Variants in AKAP6 observed in about 807,000 individuals in gnomAD.
AKAP6 encodes the protein A-kinase anchoring protein 6.
A neutral mutation model predicts 188.5 loss-of-function variants in AKAP6; 58 were observed. The observed-to-expected ratio is 0.31, with a 90% CI of 0.25 to 0.38. AKAP6 has a LOEUF of 0.38. AKAP6 is among the 10% of genes least tolerant of loss of function. AKAP6 has a pLI of 1.00. For missense variants in AKAP6, 2,710 were observed against 2,740.0 expected, an observed-to-expected ratio of 0.99 and a Z score of 0.24; for synonymous variants, 989 against 998.6, an observed-to-expected ratio of 0.99 and a Z score of 0.18.
chr14:32,824,851 A>G, intron 13 of AKAP6, 36 bp downstream of exon 13: 1 of 1,499,402 alleles, frequency 6.7e-7, no homozygotes. Flanking sequence ...TGTATTTAAA[A>G]TATTGAGTTC....
intron 2 of AKAP6, among the ~76,000 whole-genome samples, chr14:32,514,937 C>T (rs367594519): frequency 6.4e-4 from 97 of 152,268 alleles, no homozygotes; most frequent in African/African-American, 2.3e-3. Context: ...GAACCATAGA[C>T]CTTTCCTCCT....
At chr14:32,507,514 A>G (rs1204645083) in intron 2 of AKAP6, among the ~76,000 whole-genome samples, 1 of 151,520 alleles carries the variant, frequency 6.6e-6, no homozygotes, top group African/African-American at 2.4e-5. Context: ...ATCAGAATGT[A>G]TTTGGCTGAT....
rs1882031293 is a variant in AKAP6 at position 32,524,681 on chromosome 14, CT to C, written c.325-10872del. Among the ~76,000 whole-genome samples the C allele has an allele frequency of 2.0e-5, 3 of 152,262 alleles. No individual in the cohort carries two copies. In the South Asian group the frequency reaches 6.2e-4, roughly 32 times the overall value. ...TTCTGGCGCACAAAGAATGTAAATT[CT>C]ACTGTAGATATATTTGTGTAATATC... is the stretch of plus-strand genomic sequence containing the variant. On this transcript the variant is annotated intron_variant, in intron 2 of 13. Coordinates refer to ENST00000280979, the MANE Select transcript of AKAP6 (RefSeq NM_004274.5).
At chr14:32,721,008 C>T (rs1387890944) in intron 9 of AKAP6, among the ~76,000 whole-genome samples, 1 of 152,194 alleles carries the variant, frequency 6.6e-6, no homozygotes, top group Non-Finnish European at 1.5e-5. Context: ...AGTTTCATTA[C>T]ATTAATTGCT....
chr14:32,674,686 A>T (rs1010857729), intron 7 of AKAP6, among the ~76,000 whole-genome samples: 2 of 152,194 alleles, frequency 1.3e-5, no homozygotes, highest in African/African-American at 4.8e-5. Flanking sequence ...TTCTGTTTTA[A>T]ATAGTAAGGT....
chr14:32,797,533 G>A (rs2033807939), intron 12 of AKAP6, among the ~76,000 whole-genome samples: 1 of 152,158 alleles, frequency 6.6e-6, no homozygotes, highest in African/African-American at 2.4e-5. Flanking sequence ...AACATTGCAT[G>A]TTCTTACTTA....
chr14:32,759,431 A>T lies in AKAP6; in HGVS notation c.3373-14247A>T, dbSNP rs566926997. 3.3e-5 allele frequency among the ~76,000 whole-genome samples: 5 copies of T among 152,112 alleles called. No homozygotes were observed. The South Asian group carries it at 1.0e-3, about 32-fold the overall frequency. ...ATGATTGGGAGAAATGACTTTTAGG[A>T]AATGGAAGGATGTTTCAAGACCCAT... On this transcript the variant is annotated intron_variant, in intron 11 of 13. Transcript: ENST00000280979.
intron 1 of AKAP6, among the ~76,000 whole-genome samples, chr14:32,343,391 G>C (rs1594520816): frequency 6.6e-6 from 1 of 152,090 alleles, no homozygotes; most frequent in East Asian, 1.9e-4. Flanking sequence ...GGTTTTAGGA[G>C]AGTTTCTGTT....
At chr14:32,566,182 A>T (rs1194296306) in intron 4 of AKAP6, among the ~76,000 whole-genome samples, 1 of 152,176 alleles carries the variant, frequency 6.6e-6, no homozygotes, top group Non-Finnish European at 1.5e-5. Context: ...AAGCTCCATA[A>T]CACGTGATAT....
intron 11 of AKAP6, among the ~76,000 whole-genome samples, chr14:32,759,861 C>G (rs1293917906): frequency 6.6e-6 from 1 of 152,196 alleles, no homozygotes; most frequent in Non-Finnish European, 1.5e-5. Context: ...CCAGGCCCCA[C>G]CTCCAGCATA....
intron 7 of AKAP6, among the ~76,000 whole-genome samples, chr14:32,657,078 A>G (rs1026082591): frequency 2.0e-5 from 3 of 152,152 alleles, no homozygotes; most frequent in African/African-American, 7.2e-5. Flanking sequence ...CCTTGCACCT[A>G]TTTACAGGGT....
chr14:32,496,339 A>G (rs1880312121), intron 2 of AKAP6, among the ~76,000 whole-genome samples: 1 of 152,132 alleles, frequency 6.6e-6, no homozygotes, highest in Non-Finnish European at 1.5e-5. Flanking sequence ...AACTTTGGAT[A>G]AGTTTCTCAG....
At chr14:32,576,607 C>G (rs1340807728) in intron 4 of AKAP6, among the ~76,000 whole-genome samples, 2 of 152,124 alleles carry the variant, frequency 1.3e-5, no homozygotes, top group Non-Finnish European at 2.9e-5. Context: ...AGAACTCGTC[C>G]AAGGACCTGT....
chr14:32,401,173 G>A (rs974111956), intron 1 of AKAP6, among the ~76,000 whole-genome samples: 2 of 152,134 alleles, frequency 1.3e-5, no homozygotes, highest in Admixed American at 6.5e-5. Context: ...GAATCTCAGG[G>A]GAGCAGAGAA....
At chr14:32,669,544 G>A (rs955479672) in intron 7 of AKAP6, among the ~76,000 whole-genome samples, 1 of 152,054 alleles carries the variant, frequency 6.6e-6, no homozygotes, top group African/African-American at 2.4e-5. Flanking sequence ...AAAAAGCAGT[G>A]GAAAGGTAAT....
At chr14:32,419,578 T>G (rs530311168) in intron 1 of AKAP6, among the ~76,000 whole-genome samples, 11 of 152,278 alleles carry the variant, frequency 7.2e-5, no homozygotes, top group Non-Finnish European at 1.5e-4. Context: ...AAAATAAAAG[T>G]TATTCACTCC....
At chr14:32,404,712 T>TATATATATATATATATATATA (rs1491351629) in intron 1 of AKAP6, among the ~76,000 whole-genome samples, 111 of 10,518 alleles carry the variant, frequency 0.011, 3 homozygotes, top group Non-Finnish European at 0.023. Context: ...ATATATATAT[T>TATATATATATATATATATATA]AGTCAGAATG....
chr14:32,339,561 CT>C (rs1367431187), intron 1 of AKAP6, among the ~76,000 whole-genome samples: 1 of 152,138 alleles, frequency 6.6e-6, no homozygotes, highest in Non-Finnish European at 1.5e-5. Context: ...TCCTTTCTCT[CT>C]TTAGTGAATT....
chr14:32,809,782 A>G (rs956404686), intron 12 of AKAP6, among the ~76,000 whole-genome samples: 4 of 152,174 alleles, frequency 2.6e-5, no homozygotes, highest in Admixed American at 2.6e-4. Context: ...GGTAAACATA[A>G]GGGATCTCCG....
Sources: allele counts gnomAD v4.1 joint callset (sites outside exome capture counted in the v4.1 genomes callset), GRCh38; gene constraint gnomAD v4.1.1; transcripts MANE v1.5; gene names NCBI Gene and HGNC (gene_info 2026-07-23, HGNC 2026-07-21).